TSPAN9: variants seen among roughly 807,000 people sequenced by gnomAD.
TSPAN9 encodes the protein tetraspanin 9, also known as tetraspanin-9.
Under a neutral mutation model 31.0 loss-of-function variants are expected in TSPAN9, and 16 were observed. That is an observed-to-expected ratio of 0.52 (90% CI 0.35 to 0.78). The LOEUF is 0.78. TSPAN9 is among the 30% of genes least tolerant of loss of function. TSPAN9 has a pLI of 0.01. For synonymous variants in TSPAN9, 145 were observed against 121.6 expected (o/e 1.19, Z -1.27); for missense variants, 272 against 312.5 (o/e 0.87, Z 0.98).
chr12:3,206,134 T>C, intron 3 of TSPAN9: 1 of 378,164 alleles, frequency 2.6e-6, no homozygotes, highest in Non-Finnish European at 5.4e-6. Flanking sequence ...CCTGCTCCTA[T>C]CTCCATGTGC....
intron 2 of TSPAN9, among the ~76,000 whole-genome samples, chr12:3,111,560 C>G (rs552878861): frequency 6.6e-6 from 1 of 150,454 alleles, no homozygotes; most frequent in Non-Finnish European, 1.5e-5. Flanking sequence ...AAAATAGATA[C>G]TAACACAAAA....
In TSPAN9 at chr12:3,098,044, G is replaced by A. The variant is rs149942646; in HGVS notation, c.-18+14325G>A. 1.4e-3 allele frequency among the ~76,000 whole-genome samples: 214 copies of A among 152,056 alleles called. 2 individuals are homozygous for A. The highest frequency in any genetic ancestry group is 4.8e-3 in the African/African-American group (200 of 41,452). On this transcript the variant is annotated intron_variant, in intron 2 of 8. Coordinates refer to ENST00000011898, the MANE Select transcript of TSPAN9 (RefSeq NM_006675.5). ...GTGTAGATGTGCACCGATGCAGGAC[G>A]TCGGCCAGAGTGCAGAGTGCAGAGT... is the stretch of plus-strand genomic sequence containing the variant.
At chr12:3,202,068 C>T (rs995996797) in intron 3 of TSPAN9, among the ~76,000 whole-genome samples, 4 of 152,240 alleles carry the variant, frequency 2.6e-5, no homozygotes, top group African/African-American at 9.6e-5. Flanking sequence ...ATGGGTAGGG[C>T]AGCTGGGAAT....
chr12:3,272,936 T>G (rs1414448305), intron 3 of TSPAN9: 2 of 152,300 alleles, frequency 1.3e-5, no homozygotes, highest in Admixed American at 1.3e-4. Context: ...ACTACAAGAC[T>G]TAACAAATGA....
chr12:3,256,086 C>G (rs1565634128), intron 3 of TSPAN9, among the ~76,000 whole-genome samples: 1 of 152,128 alleles, frequency 6.6e-6, no homozygotes, highest in Non-Finnish European at 1.5e-5. Flanking sequence ...CATAAATACC[C>G]CACTCCCACC....
intron 3 of TSPAN9, among the ~76,000 whole-genome samples, chr12:3,202,791 C>A (rs1341394120): frequency 6.6e-6 from 1 of 152,120 alleles, no homozygotes; most frequent in Non-Finnish European, 1.5e-5. Context: ...CTCCAGCCAC[C>A]CTAGTAGGAA....
intron 2 of TSPAN9, among the ~76,000 whole-genome samples, chr12:3,158,082 T>G (rs984849897): frequency 2.6e-5 from 4 of 152,192 alleles, no homozygotes; most frequent in African/African-American, 9.7e-5. Context: ...GGCTTTTCAG[T>G]GCCTGCGGGG....
intron 2 of TSPAN9, among the ~76,000 whole-genome samples, chr12:3,095,733 C>G (rs1419475528): frequency 2.0e-5 from 3 of 148,630 alleles, no homozygotes; most frequent in Non-Finnish European, 3.0e-5. Context: ...ACATCTCAGA[C>G]GATGGGCGGC....
At chr12:3,276,355 A>G (rs1591721082) in intron 3 of TSPAN9, among the ~76,000 whole-genome samples, 1 of 152,064 alleles carries the variant, frequency 6.6e-6, no homozygotes. Flanking sequence ...CGTTTCCTTT[A>G]CCTGCGAGGT....
intron 7 of TSPAN9, 49 bp from the exon 8 acceptor site, chr12:3,281,685 G>A: frequency 6.3e-7 from 1 of 1,581,688 alleles, no homozygotes; most frequent in Non-Finnish European, 8.6e-7. Context: ...GGGCTGCAGG[G>A]AGCGCATGCT....
intron 2 of TSPAN9, among the ~76,000 whole-genome samples, chr12:3,156,593 C>T (rs2098342399): frequency 6.6e-6 from 1 of 151,970 alleles, no homozygotes; most frequent in African/African-American, 2.4e-5. Flanking sequence ...CCTCCCCCTC[C>T]CAGATTCAAA....
intron 3 of TSPAN9, among the ~76,000 whole-genome samples, chr12:3,202,260 C>T (rs944363536): frequency 6.6e-6 from 1 of 152,160 alleles, no homozygotes; most frequent in African/African-American, 2.4e-5. Flanking sequence ...TGGCTCAGTC[C>T]CAGAGTCTGT....
intron 2 of TSPAN9, among the ~76,000 whole-genome samples, chr12:3,184,518 ATTTC>A (rs2098360151): frequency 6.6e-6 from 1 of 152,178 alleles, no homozygotes; most frequent in African/African-American, 2.4e-5. Context: ...TAGTGAATCT[ATTTC>A]TTTAAGGTGT....
chr12:3,281,214 T>C lies in TSPAN9; in HGVS notation c.449T>C (p.Val150Ala), dbSNP rs375110936. Residue 150 changes from valine to alanine, a missense_variant, in exon 7 of 9, where the codon GTC becomes GCC. Transcript: ENST00000011898. The stretch of plus-strand genomic sequence containing the variant: ...GCTGGCCAGATGCGATGCTGTGGTG[T>C]CACTGACTACACAGACTGGTACCCA... The part of the protein sequence containing the change: ...IIQAEMRCCG[V>A]TDYTDWYPVL... The C allele has an allele frequency of 5.8e-6, 9 of 1,551,066 alleles. No individual in the cohort carries two copies. The highest frequency in any genetic ancestry group is 7.8e-6 in the Non-Finnish European group (9 of 1,146,942).
chr12:3,163,802 C>G, intron 2 of TSPAN9, among the ~76,000 whole-genome samples: 1 of 152,334 alleles, frequency 6.6e-6, no homozygotes, highest in East Asian at 1.9e-4. Flanking sequence ...GAGCAGATAA[C>G]ACATCAGTGG....
At position 3,286,327 on chromosome 12, in the gene TSPAN9, C is replaced by T. The variant is rs1050242473; in HGVS notation, c.*3211C>T. On this transcript the variant is annotated 3_prime_UTR_variant, in exon 9 of 9. Coordinates refer to ENST00000011898, the MANE Select transcript of TSPAN9 (RefSeq NM_006675.5). This position sits in a 1 kb window ranked among gnomAD's most constrained non-coding sequence, Gnocchi z 4.1. ...CCAGGGTGGGGCCTGGCCTCCCTGCCCTGATTGGGGACTCAGGAGGTGAGG... is the reference window on the plus strand; with the variant it reads ...CCAGGGTGGGGCCTGGCCTCCCTGCTCTGATTGGGGACTCAGGAGGTGAGG... 31 of 152,590 alleles carry T rather than the reference C, an allele frequency of 2.0e-4. No homozygotes were observed. The highest frequency in any genetic ancestry group is 7.2e-4 in the African/African-American group (30 of 41,444). 9.5% of individuals were successfully genotyped at this position (152,590 alleles called of 1,614,324 possible).
intron 2 of TSPAN9, among the ~76,000 whole-genome samples, chr12:3,140,995 T>A (rs1330446300): frequency 6.8e-6 from 1 of 147,122 alleles, no homozygotes; most frequent in Non-Finnish European, 1.5e-5. Flanking sequence ...CTGTGGGAAG[T>A]GTTGGGGTTC....
At chr12:3,130,280 C>T (rs1249339067) in intron 2 of TSPAN9, among the ~76,000 whole-genome samples, 2 of 152,230 alleles carry the variant, frequency 1.3e-5, no homozygotes, top group South Asian at 2.1e-4. Context: ...TAAAGCTGAT[C>T]GAGCTGGTGA....
chr12:3,226,771 TATATATATATATATA>T (rs2098387852), intron 3 of TSPAN9, among the ~76,000 whole-genome samples: 1 of 5,166 alleles, frequency 1.9e-4, no homozygotes, highest in Non-Finnish European at 4.5e-4. Flanking sequence ...TATATATATA[TATATATATATATATA>T]TATATATATT....
Sources: allele counts gnomAD v4.1 joint callset (sites outside exome capture counted in the v4.1 genomes callset), GRCh38; gene constraint gnomAD v4.1.1; non-coding constraint Gnocchi (gnomAD v3.1); transcripts MANE v1.5; gene names NCBI Gene and HGNC (gene_info 2026-07-23, HGNC 2026-07-21).